Variants in VDAC3 observed in about 807,000 individuals in gnomAD.
VDAC3 encodes the protein voltage dependent anion channel 3, also known as non-selective voltage-gated ion channel VDAC3.
Under a neutral mutation model 33.9 loss-of-function variants are expected in VDAC3, and 7 were observed. The observed-to-expected ratio is 0.21, with a 90% CI of 0.12 to 0.39. The LOEUF is 0.39. Ranked by LOEUF, VDAC3 falls within the 10% of genes least tolerant of loss-of-function variation. The pLI, the probability that VDAC3 is intolerant of heterozygous loss-of-function variation, is 1.00. For synonymous variants in VDAC3, 100 were observed against 122.4 expected (o/e 0.82, Z 1.21); for missense variants, 261 against 334.5 (o/e 0.78, Z 1.71).
intron 4 of VDAC3, among the ~76,000 whole-genome samples, chr8:42,395,714 CT>C (rs1802298551): frequency 6.6e-6 from 1 of 152,138 alleles, no homozygotes; most frequent in African/African-American, 2.4e-5. Flanking sequence ...AATCCCAGCA[CT>C]TTGGGAGGCC....
chr8:42,397,513 G>A (rs1802336559), intron 4 of VDAC3: 1 of 152,168 alleles, frequency 6.6e-6, no homozygotes, highest in Admixed American at 6.5e-5. Context: ...CCCTAAAACA[G>A]GACCAATCAG....
At position 42,405,730 on chromosome 8, in the gene VDAC3, A is replaced by G. The variant is rs1585955508; in HGVS notation, c.*268A>G. The stretch of plus-strand genomic sequence containing the variant: ...TAAATGTGTTCCTCAGCGACAGTGT[A>G]GCGTCATGTTAGAGGAGACGATCTG... On this transcript the variant is annotated 3_prime_UTR_variant, in exon 10 of 10. Transcript: ENST00000022615. 2.7e-6 allele frequency: 1 copy of G among 364,860 alleles called. No individual in the cohort carries two copies. The highest frequency in any genetic ancestry group is 3.3e-5 in the South Asian group (1 of 30,392). The allele number at this position is 364,860 out of a possible 1,614,324, so 22.6% of individuals were successfully genotyped here. A position where few individuals can be genotyped will look rare whatever the true frequency, so the allele number is the denominator to read the frequency against.
chr8:42,398,959 A>G (rs1265138073), intron 5 of VDAC3, 95 bp downstream of exon 5: 16 of 1,427,132 alleles, frequency 1.1e-5, no homozygotes, highest in South Asian at 6.9e-5. Context: ...AGATCTTACA[A>G]CCTATCTAGT....
At chr8:42,404,461 C>T (rs997991140) in intron 8 of VDAC3, among the ~76,000 whole-genome samples, 2 of 152,172 alleles carry the variant, frequency 1.3e-5, no homozygotes, top group South Asian at 2.1e-4. Context: ...CGGTGGGTCA[C>T]GCCTGTAATC....
chr8:42,392,114 C>T (rs1038905512), intron 1 of VDAC3, among the ~76,000 whole-genome samples, 186 bp downstream of exon 1: 2 of 152,132 alleles, frequency 1.3e-5, no homozygotes, highest in Non-Finnish European at 2.9e-5. Context: ...GCGATGGAGC[C>T]GCAGCACGGC....
intron 4 of VDAC3, chr8:42,396,768 C>A: frequency 4.6e-6 from 3 of 651,048 alleles, no homozygotes; most frequent in South Asian, 1.7e-5. Flanking sequence ...AATCATTGTT[C>A]CAAATTTCTT....
chr8:42,405,175 G>GAGAA (rs891521286), intron 9 of VDAC3, among the ~76,000 whole-genome samples, 196 bp from the exon 10 acceptor site: 5 of 152,204 alleles, frequency 3.3e-5, no homozygotes, highest in Non-Finnish European at 7.3e-5. Context: ...CTGAACTTCA[G>GAGAA]AGAAAGTTTG....
chr8:42,399,873 C>T (rs1426688528), intron 6 of VDAC3, among the ~76,000 whole-genome samples, 170 bp downstream of exon 6: 2 of 152,090 alleles, frequency 1.3e-5, no homozygotes, highest in Non-Finnish European at 2.9e-5. Context: ...AGATCCCTCC[C>T]CACCAAGGCA....
Position 42,394,206 on chromosome 8 carries a change from T to G in VDAC3, c.-2-4T>G. On this transcript the variant is annotated splice_region_variant and splice_polypyrimidine_tract_variant and intron_variant, in intron 2 of 9. Coordinates refer to ENST00000022615, the MANE Select transcript of VDAC3 (RefSeq NM_005662.7). The stretch of plus-strand genomic sequence containing the variant: ...TATTCCTTTGCCCTGTTTTTCTTTA[T>G]AAGATATGTGTAACACACCAACGTA... 2.5e-6 allele frequency: 4 copies of G among 1,613,326 alleles called. No homozygotes were observed. Among genetic ancestry groups the G allele is most frequent in the Non-Finnish European group, 3.4e-6 (4 of 1,179,368 alleles).
Position 42,403,299 on chromosome 8 carries a change from C to A in VDAC3, c.552-12C>A. ...CTAGATATTTATGACGTTTTCTTATCTATGAAAACAGGAACGATGGCACTG... is the reference window on the plus strand; with the variant it reads ...CTAGATATTTATGACGTTTTCTTATATATGAAAACAGGAACGATGGCACTG... On this transcript the variant is annotated splice_polypyrimidine_tract_variant and intron_variant, in intron 7 of 9. Coordinates refer to ENST00000022615, the MANE Select transcript of VDAC3 (RefSeq NM_005662.7). The A allele has an allele frequency of 6.2e-7, 1 of 1,613,406 alleles. No individual in the cohort carries two copies. Among genetic ancestry groups the A allele is most frequent in the South Asian group, 1.1e-5 (1 of 90,908 alleles).
chr8:42,404,994 C>T lies in VDAC3; in HGVS notation c.760+70C>T, dbSNP rs976803890. 9 of 1,398,932 alleles carry T rather than the reference C, an allele frequency of 6.4e-6. 1 individual carries two copies. In the African/African-American group the frequency reaches 1.3e-4, roughly 20 times the overall value. The allele number at this position is 1,398,932 out of a possible 1,614,324, so 86.7% of individuals were successfully genotyped here. A position where few individuals can be genotyped will look rare whatever the true frequency, so the allele number is the denominator to read the frequency against. ...TAGAGAAAACAATGAAAATAACCTGCAGAACAACCTGTAGTCACTGTAAGT... is the reference window on the plus strand; with the variant it reads ...TAGAGAAAACAATGAAAATAACCTGTAGAACAACCTGTAGTCACTGTAAGT... On this transcript the variant is annotated intron_variant, in intron 9 of 9. Transcript: ENST00000022615.
At chr8:42,403,229 A>G in intron 7 of VDAC3, 82 bp from the exon 8 acceptor site, 4 of 1,514,032 alleles carry the variant, frequency 2.6e-6, no homozygotes, top group Non-Finnish European at 3.6e-6. Context: ...CCTTGTTTAG[A>G]TAGTCTTAGA....
chr8:42,397,400 G>A (rs1362075280), intron 4 of VDAC3: 1 of 152,170 alleles, frequency 6.6e-6, no homozygotes, highest in Admixed American at 6.6e-5. Flanking sequence ...TAGAGTTAGG[G>A]GACAGGGCAT....
At position 42,401,953 on chromosome 8, in the gene VDAC3, A is replaced by G; in HGVS notation, c.489A>G (p.Lys163=). 1 of 1,614,238 alleles carries G rather than the reference A, an allele frequency of 6.2e-7. No individual in the cohort carries two copies. Among genetic ancestry groups the G allele is most frequent in the Non-Finnish European group, 8.5e-7 (1 of 1,180,046 alleles). Residue 163 remains lysine, a synonymous_variant, in exon 7 of 10, where the codon AAA becomes AAG. Coordinates refer to ENST00000022615, the MANE Select transcript of VDAC3 (RefSeq NM_005662.7). ...TGAGTTTTGACACAGCCAAATCCAAACTGTCACAGAATAATTTCGCCCTGG... is the reference window on the plus strand; with the variant it reads ...TGAGTTTTGACACAGCCAAATCCAAGCTGTCACAGAATAATTTCGCCCTGG... ...YQMSFDTAKS[K]LSQNNFALGY... is the part of the protein sequence containing the mutation.
intron 5 of VDAC3, 106 bp downstream of exon 5, chr8:42,398,970 A>G: frequency 1.5e-6 from 2 of 1,353,650 alleles, no homozygotes; most frequent in Middle Eastern, 1.9e-4. Context: ...CCTATCTAGT[A>G]GCCATATTTT....
chr8:42,402,178 C>A, intron 7 of VDAC3, 163 bp downstream of exon 7: 2 of 767,672 alleles, frequency 2.6e-6, no homozygotes, highest in East Asian at 2.7e-5. Flanking sequence ...GGCTGGTGCA[C>A]GTGGTGTGCA....
Position 42,401,822 on chromosome 8 carries a change from C to A in VDAC3, c.358C>A (p.Arg120=). The A allele has an allele frequency of 1.2e-6, 2 of 1,614,120 alleles. No homozygotes were observed. The highest frequency in any genetic ancestry group is 1.7e-6 in the Non-Finnish European group (2 of 1,180,022). The change falls in exon 7 of 10, where the codon CGG becomes AGG. Residue 120 remains arginine (R), a synonymous_variant. Coordinates refer to ENST00000022615, the MANE Select transcript of VDAC3 (RefSeq NM_005662.7). ...TGGGAAATTGAAGGCCTCCTATAAA[C>A]GGGATTGTTTTAGTGTTGGCAGTAA... ...KSGKLKASYK[R]DCFSVGSNVD...
chr8:42,398,656 A>C, intron 4 of VDAC3, 56 bp from the exon 5 acceptor site: 1 of 1,570,988 alleles, frequency 6.4e-7, no homozygotes, highest in South Asian at 1.2e-5. Flanking sequence ...TTCCAAAGTG[A>C]ATATTTTCTA....
chr8:42,404,951 G>A (rs776753161), intron 9 of VDAC3, 27 bp downstream of exon 9: 5 of 1,602,080 alleles, frequency 3.1e-6, no homozygotes, highest in South Asian at 1.1e-5. Context: ...GTAACAGAGG[G>A]GTTGAGGTGG....
Sources: gnomAD v4.1 joint callset for allele counts (sites outside exome capture counted in the v4.1 genomes callset) on GRCh38, gnomAD v4.1.1 for gene constraint, MANE v1.5 for transcripts, NCBI Gene and HGNC (gene_info 2026-07-23, HGNC 2026-07-21) for gene names.